Variants in ADCY3 observed in about 807,000 individuals in gnomAD.
ADCY3 encodes adenylate cyclase 3.
In ADCY3, 70 loss-of-function variants were observed where a neutral mutation model predicts 119.4. The ratio of observed to expected loss-of-function variants is 0.59; its 90% CI spans 0.48 to 0.72. The LOEUF (loss-of-function observed/expected upper bound fraction) is 0.72, where lower values mean the gene tolerates loss of function less well. Among genes scored for constraint, ADCY3 ranks in the 30% least tolerant of loss-of-function variants. The pLI is 0.00. For synonymous variants in ADCY3, 672 were observed against 621.4 expected (o/e 1.08, Z -1.21); for missense variants, 1,238 against 1,541.6 (o/e 0.80, Z 3.30).
intron 2 of ADCY3, among the ~76,000 whole-genome samples, chr2:24,882,595 C>CA (rs1281031844): frequency 6.6e-6 from 1 of 152,168 alleles, no homozygotes; most frequent in Non-Finnish European, 1.5e-5. Context: ...CAAATAATTC[C>CA]AATTCTATTT....
chr2:24,860,421 C>T (rs1389240914), intron 3 of ADCY3, among the ~76,000 whole-genome samples: 1 of 152,254 alleles, frequency 6.6e-6, no homozygotes, highest in African/African-American at 2.4e-5. Flanking sequence ...CATGGCACTG[C>T]CTGCGAAGCC....
chr2:24,884,344 C>G (rs1676756594), intron 2 of ADCY3, among the ~76,000 whole-genome samples: 1 of 152,142 alleles, frequency 6.6e-6, no homozygotes. Flanking sequence ...GATATGAAAA[C>G]AAGGCAAAGA....
chr2:24,823,523 G>C (rs931161269), intron 17 of ADCY3, among the ~76,000 whole-genome samples, 168 bp from the exon 18 acceptor site: 2 of 139,414 alleles, frequency 1.4e-5, no homozygotes, highest in Admixed American at 7.8e-5. Context: ...AGTGGGTCTT[G>C]CTGTGTTTCC....
chr2:24,864,117 T>C (rs1381840663), intron 3 of ADCY3, among the ~76,000 whole-genome samples: 1 of 152,070 alleles, frequency 6.6e-6, no homozygotes, highest in Non-Finnish European at 1.5e-5. Flanking sequence ...TGAAACCCCG[T>C]CTCTACTAAA....
rs553514782 is a variant in ADCY3, at chr2:24,882,563, AC to A, written c.676-9845del. Among the ~76,000 whole-genome samples, 206 of 152,242 alleles carry A rather than the reference AC, an allele frequency of 1.4e-3. 6 individuals are homozygous for A. The South Asian group carries it at 0.039, about 29-fold the overall frequency. ...ATTGATGTGACCTCATTATTTAGTC[AC>A]CTTGGTCTCTTTCTCTAGGCCAAAT... On this transcript the variant is annotated intron_variant, in intron 2 of 21. Coordinates refer to ENST00000679454, the MANE Select transcript of ADCY3 (RefSeq NM_004036.5).
intron 2 of ADCY3, among the ~76,000 whole-genome samples, chr2:24,876,031 T>C (rs1675657465): frequency 1.3e-5 from 2 of 152,116 alleles, no homozygotes; most frequent in Non-Finnish European, 2.9e-5. Flanking sequence ...CTCACTCTGT[T>C]GCCCAGGCTG....
At chr2:24,873,831 C>T (rs7604178) in intron 2 of ADCY3, among the ~76,000 whole-genome samples, 6,874 of 152,292 alleles carry the variant, frequency 0.045, 484 homozygotes, top group African/African-American at 0.15. Context: ...GGATCCCCGA[C>T]GCCTCGCCTG....
chr2:24,882,956 AG>A (rs1676575147), intron 2 of ADCY3, among the ~76,000 whole-genome samples: 1 of 151,974 alleles, frequency 6.6e-6, no homozygotes, highest in African/African-American at 2.4e-5. Context: ...GTTATTTGGG[AG>A]GCTGAGGCAC....
At chr2:24,888,239 T>A (rs2148918090) in intron 2 of ADCY3, among the ~76,000 whole-genome samples, 1 of 152,368 alleles carries the variant, frequency 6.6e-6, no homozygotes, top group East Asian at 1.9e-4. Flanking sequence ...CTGTCCAGCC[T>A]CTGAGGTGGA....
At chr2:24,902,980 G>A (rs1028402961) in intron 2 of ADCY3, among the ~76,000 whole-genome samples, 3 of 151,770 alleles carry the variant, frequency 2.0e-5, no homozygotes, top group Admixed American at 6.6e-5. Context: ...GCAGTGAGCC[G>A]TGATCACACC....
chr2:24,831,809 G>T, intron 11 of ADCY3, 60 bp from the exon 12 acceptor site: 1 of 1,198,976 alleles, frequency 8.3e-7, no homozygotes, highest in Non-Finnish European at 1.2e-6. Flanking sequence ...GGGGTGAGGG[G>T]CTAGGAGAGG....
At chr2:24,870,473 G>C (rs1572943775) in intron 3 of ADCY3, among the ~76,000 whole-genome samples, 1 of 152,118 alleles carries the variant, frequency 6.6e-6, no homozygotes, top group Non-Finnish European at 1.5e-5. Context: ...AGAATTCTAG[G>C]CTCCGGCTGT....
Position 24,872,616 on chromosome 2 carries a change from T to G in ADCY3, c.779A>C (p.Gln260Pro), listed in dbSNP as rs767615963. ...KHRKAFLEAR[Q>P]SLEVKMNLEE... ...CAGGTTCATCTTCACCTCCAGCGAC[T>G]GGCGGGCCTCCAGGAAGGCCTTGCG... is the stretch of plus-strand genomic sequence containing the variant. The change falls in exon 3 of 22, where the codon CAG (glutamine) becomes CCG (proline). Residue 260 changes from glutamine to proline, a missense_variant. By Grantham distance (76) the Gln-to-Pro change is moderately conservative. This residue lies in a region of ADCY3 where 283 missense variants were observed against 437.2 expected (regional missense o/e 0.65). Coordinates refer to ENST00000679454, the MANE Select transcript of ADCY3 (RefSeq NM_004036.5). This position sits in a 1 kb window ranked among gnomAD's most constrained non-coding sequence, Gnocchi z 4.4. The G allele has an allele frequency of 1.2e-6, 2 of 1,614,204 alleles. No homozygotes were observed. Among genetic ancestry groups the G allele is most frequent in the Non-Finnish European group, 8.5e-7 (1 of 1,180,038 alleles).
intron 11 of ADCY3, 130 bp from the exon 12 acceptor site, chr2:24,831,879 ACAGGGGCCAGGGGG>A (rs1558418792): frequency 3.4e-6 from 1 of 298,468 alleles, no homozygotes; most frequent in African/African-American, 2.7e-5. Context: ...GGGACAGTGG[ACAGGGGCCAGGGGG>A]CAGGGGACAG....
chr2:24,865,215 C>A (rs891623853), intron 3 of ADCY3, among the ~76,000 whole-genome samples: 2 of 151,944 alleles, frequency 1.3e-5, no homozygotes, highest in African/African-American at 4.8e-5. Context: ...GAGGCCGAGG[C>A]GGGCAGATCA....
chr2:24,836,221 A>C (rs1670315215), intron 9 of ADCY3, among the ~76,000 whole-genome samples: 1 of 152,212 alleles, frequency 6.6e-6, no homozygotes, highest in African/African-American at 2.4e-5. Flanking sequence ...AGAAAACTGC[A>C]ACAAGGAAAA....
intron 3 of ADCY3, among the ~76,000 whole-genome samples, chr2:24,855,182 G>C (rs1426317951): frequency 7.1e-6 from 1 of 140,086 alleles, no homozygotes; most frequent in African/African-American, 2.8e-5. Flanking sequence ...TGTGTCCTTA[G>C]CCCCAGGTCC....
At chr2:24,875,015 T>C (rs1285996873) in intron 2 of ADCY3, among the ~76,000 whole-genome samples, 1 of 152,138 alleles carries the variant, frequency 6.6e-6, no homozygotes, top group Non-Finnish European at 1.5e-5. Flanking sequence ...CAGCAGGTCT[T>C]AGGTAGACAA....
At chr2:24,840,564 A>C (rs1484207064) in intron 6 of ADCY3, 2 of 468,030 alleles carry the variant, frequency 4.3e-6, no homozygotes, top group Non-Finnish European at 8.9e-6. Context: ...CCCTCGGAGA[A>C]GGGGGTAAAG....
Sources: gnomAD v4.1 joint callset for allele counts (sites outside exome capture counted in the v4.1 genomes callset) on GRCh38, gnomAD v4.1.1 for gene constraint, gnomAD v4.1.1 regional missense constraint, Gnocchi (gnomAD v3.1) non-coding constraint, MANE v1.5 for transcripts, NCBI Gene and HGNC (gene_info 2026-07-23, HGNC 2026-07-21) for gene names.